ZNF536: variants seen among roughly 807,000 people sequenced by gnomAD.
The protein encoded by ZNF536 is zinc finger protein 536.
A neutral mutation model predicts 84.5 loss-of-function variants in ZNF536; 13 were observed. The observed-to-expected ratio is 0.15, with a 90% confidence interval of 0.10 to 0.24. The LOEUF is 0.24. ZNF536 is among the 10% of genes least tolerant of loss of function. The pLI is 1.00. For synonymous variants in ZNF536, 811 were observed against 742.5 expected (o/e 1.09, Z -1.50); for missense variants, 1,536 against 1,747.5 (o/e 0.88, Z 2.16).
chr19:30,280,753 C>T lies in ZNF536; in HGVS notation c.-189-3319C>T, dbSNP rs77646577. 9.6e-3 allele frequency among the ~76,000 whole-genome samples: 1,468 copies of T among 152,328 alleles called. 28 individuals carry two copies. Among genetic ancestry groups the T allele is most frequent in the African/African-American group, 0.033 (1,384 of 41,574 alleles). Reference sequence around the variant, plus strand: ...TCCCTCAGAGCCCATGGGTCTGAGTCGGGCAGGCTGGGCTTTTGCTCAGGG... The same window carrying T: ...TCCCTCAGAGCCCATGGGTCTGAGTTGGGCAGGCTGGGCTTTTGCTCAGGG... On this transcript the variant is annotated intron_variant, in intron 1 of 5. Transcript: ENST00000585628.
chr19:30,264,486 G>A (rs1430689161), intron 1 of ZNF536, among the ~76,000 whole-genome samples: 1 of 151,558 alleles, frequency 6.6e-6, no homozygotes, highest in Admixed American at 6.6e-5. Flanking sequence ...CAAAATGGAA[G>A]GTTTCAAGTT....
At chr19:30,403,261 C>T (rs1297063212) in intron 1 of ZNF536, among the ~76,000 whole-genome samples, 1 of 152,138 alleles carries the variant, frequency 6.6e-6, no homozygotes, top group Non-Finnish European at 1.5e-5. Context: ...TCTGCATTCT[C>T]CCACATTACA....
At chr19:30,279,653 C>T (rs1420122398) in intron 1 of ZNF536, among the ~76,000 whole-genome samples, 2 of 152,106 alleles carry the variant, frequency 1.3e-5, no homozygotes, top group Non-Finnish European at 2.9e-5. Context: ...TGCCAGCACC[C>T]AGGGGGTGCA....
chr19:30,530,643 A>G (rs2044767901), intron 2 of ZNF536, among the ~76,000 whole-genome samples: 2 of 152,104 alleles, frequency 1.3e-5, no homozygotes, highest in Admixed American at 1.3e-4. Context: ...CACCATGCCC[A>G]GCCAATACCT....
intron 1 of ZNF536, among the ~76,000 whole-genome samples, chr19:30,669,112 T>C (rs1395765783): frequency 1.3e-5 from 2 of 152,202 alleles, no homozygotes; most frequent in African/African-American, 4.8e-5. Flanking sequence ...AGCTAGATCA[T>C]TCCTGGAGGG....
intron 1 of ZNF536, among the ~76,000 whole-genome samples, chr19:30,406,875 C>A (rs2147616197): frequency 6.6e-6 from 1 of 152,288 alleles, no homozygotes; most frequent in Non-Finnish European, 1.5e-5. Flanking sequence ...GATGTTTGAT[C>A]CCTAAACAGT....
At position 30,527,759 on chromosome 19, in the gene ZNF536, T is replaced by G. The variant is rs1006927310; in HGVS notation, c.2171-7088T>G. Among the ~76,000 whole-genome samples, 3 of 152,232 alleles carry G rather than the reference T, an allele frequency of 2.0e-5. No homozygotes were observed. In the South Asian group the frequency reaches 6.2e-4, roughly 32 times the overall value. ...TTGTGATTGCTTTATTTGAGTCTATTAAAGCTTTCAAAATAAGGGAAGTGT... is the reference window on the plus strand; with the variant it reads ...TTGTGATTGCTTTATTTGAGTCTATGAAAGCTTTCAAAATAAGGGAAGTGT... On this transcript the variant is annotated intron_variant, in intron 2 of 4. Transcript: ENST00000355537.
chr19:30,536,316 G>A (rs1442866285), intron 3 of ZNF536, among the ~76,000 whole-genome samples: 1 of 152,078 alleles, frequency 6.6e-6, no homozygotes, highest in East Asian at 1.9e-4. Context: ...CCTCCAGGTG[G>A]TCCCTGGGGA....
chr19:30,253,544 G>T (rs2024732951), intron 1 of ZNF536, among the ~76,000 whole-genome samples: 1 of 152,194 alleles, frequency 6.6e-6, no homozygotes. Context: ...AATTGCTTGT[G>T]AATTGTGTTT....
At chr19:30,530,388 C>A (rs1453636117) in intron 2 of ZNF536, among the ~76,000 whole-genome samples, 1 of 151,574 alleles carries the variant, frequency 6.6e-6, no homozygotes, top group Non-Finnish European at 1.5e-5. Flanking sequence ...CTCTTGTTGC[C>A]CAGGCTGGAG....
At position 30,700,957 on chromosome 19, in the gene ZNF536, C is replaced by T. The variant is rs550810642; in HGVS notation, c.170-9800C>T. Among the ~76,000 whole-genome samples the T allele has an allele frequency of 6.6e-5, 10 of 152,260 alleles. No homozygotes were observed. In the South Asian group the frequency reaches 2.1e-3, roughly 32 times the overall value. On this transcript the variant is annotated intron_variant, in intron 1 of 1. Coordinates refer to the ZNF536 transcript ENST00000592773. Reference sequence around the variant, plus strand: ...CTAGTGGGCAGTGGCTGTTCTCAAGCCTTACAGCCCTGTGTGTGGGAACTG... The same window carrying T: ...CTAGTGGGCAGTGGCTGTTCTCAAGTCTTACAGCCCTGTGTGTGGGAACTG...
At chr19:30,227,881 G>A (rs1383833697), upstream of ZNF536, among the ~76,000 whole-genome samples, 6 of 151,142 alleles carry the variant, frequency 4.0e-5, 1 homozygote, top group South Asian at 1.0e-3. Flanking sequence ...GGGGGCCGGC[G>A]GAGGGGACCG....
At chr19:30,624,408 G>T (rs8102739) in intron 1 of ZNF536, among the ~76,000 whole-genome samples, 1 of 152,238 alleles carries the variant, frequency 6.6e-6, no homozygotes, top group African/African-American at 2.4e-5. Flanking sequence ...ATCTGAGCCC[G>T]AGCCCAGAAT....
intron 1 of ZNF536, among the ~76,000 whole-genome samples, chr19:30,421,747 G>A (rs1600665623): frequency 6.6e-6 from 1 of 152,130 alleles, no homozygotes; most frequent in Non-Finnish European, 1.5e-5. Flanking sequence ...CGCTCCCTGG[G>A]ATCTCCAGGA....
intron 1 of ZNF536, among the ~76,000 whole-genome samples, chr19:30,707,884 C>A (rs941400095): frequency 6.6e-6 from 1 of 151,866 alleles, no homozygotes; most frequent in Non-Finnish European, 1.5e-5. Context: ...GTGGCTTATG[C>A]CTGTAATTCC....
chr19:30,640,079 C>G (rs1369259343), intron 1 of ZNF536, among the ~76,000 whole-genome samples: 1 of 152,130 alleles, frequency 6.6e-6, no homozygotes, highest in Non-Finnish European at 1.5e-5. Context: ...ACCTCCATCA[C>G]TACCAAAAAA....
At chr19:30,575,435 C>G (rs2046695376) in intron 1 of ZNF536, among the ~76,000 whole-genome samples, 1 of 152,182 alleles carries the variant, frequency 6.6e-6, no homozygotes, top group African/African-American at 2.4e-5. Flanking sequence ...GATGATCCTG[C>G]CCGCCCAGGT....
At chr19:30,531,133 A>C (rs2044796819) in intron 2 of ZNF536, among the ~76,000 whole-genome samples, 1 of 152,254 alleles carries the variant, frequency 6.6e-6, no homozygotes. Context: ...CTCCAAAAAA[A>C]ATCCCTTTTC....
At chr19:30,365,830 C>A (rs2146947122) in intron 3 of ZNF536, among the ~76,000 whole-genome samples, 1 of 152,240 alleles carries the variant, frequency 6.6e-6, no homozygotes, top group Non-Finnish European at 1.5e-5. Context: ...TTATATTTAG[C>A]TTTGTCCTGG....
Sources: gnomAD v4.1 joint callset for allele counts (sites outside exome capture counted in the v4.1 genomes callset) on GRCh38, gnomAD v4.1.1 for gene constraint, MANE v1.5 for transcripts, NCBI Gene and HGNC (gene_info 2026-07-23, HGNC 2026-07-21) for gene names.